Variants in C1orf87 observed in about 807,000 individuals in gnomAD.
C1orf87 encodes the protein chromosome 1 open reading frame 87.
A neutral mutation model predicts 60.5 loss-of-function variants in C1orf87; 58 were observed. The ratio of observed to expected loss-of-function variants is 0.96; its 90% confidence interval spans 0.78 to 1.19. The LOEUF is 1.19. C1orf87 is among the 50% of genes most tolerant of loss of function. The pLI, the probability that C1orf87 is intolerant of heterozygous loss-of-function variation, is 0.00. For synonymous variants in C1orf87, 236 were observed against 227.4 expected, an observed-to-expected ratio of 1.04 and a Z score of -0.34; for missense variants, 673 against 638.6, an observed-to-expected ratio of 1.05 and a Z score of -0.58.
intron 8 of C1orf87, among the ~76,000 whole-genome samples, chr1:60,016,318 C>A (rs1046224578): frequency 2.0e-5 from 3 of 152,304 alleles, no homozygotes; most frequent in Admixed American, 6.5e-5. Context: ...TAGCCCCATA[C>A]CTGGATGTAT....
chr1:60,064,341 T>TC (rs1645520250), intron 2 of C1orf87, among the ~76,000 whole-genome samples: 1 of 140,656 alleles, frequency 7.1e-6, no homozygotes, highest in African/African-American at 2.6e-5. Flanking sequence ...ATACTATATA[T>TC]GTAATATATG....
At chr1:60,038,394 G>A (rs528355827) in intron 5 of C1orf87, among the ~76,000 whole-genome samples, 1 of 152,100 alleles carries the variant, frequency 6.6e-6, no homozygotes, top group Admixed American at 6.6e-5. Context: ...GAGCTAACAT[G>A]AGACCCTCCA....
At chr1:60,065,044 T>TATAA in intron 2 of C1orf87, among the ~76,000 whole-genome samples, 1 of 25,026 alleles carries the variant, frequency 4.0e-5, no homozygotes, top group South Asian at 1.6e-3. Context: ...ATATATTTAA[T>TATAA]AATATATAAA....
intron 5 of C1orf87, among the ~76,000 whole-genome samples, chr1:60,038,328 G>A (rs1320960923): frequency 1.3e-5 from 2 of 151,920 alleles, no homozygotes; most frequent in African/African-American, 4.8e-5. Flanking sequence ...TTCTGGTTGG[G>A]TAAGGCCATG....
At chr1:60,020,236 C>T (rs116638873) in intron 8 of C1orf87, among the ~76,000 whole-genome samples, 336 of 152,290 alleles carry the variant, frequency 2.2e-3, no homozygotes, top group African/African-American at 7.8e-3. Context: ...CCCAGTTGCT[C>T]CAGCTCCAGC....
intron 1 of C1orf87, among the ~76,000 whole-genome samples, chr1:60,072,950 T>C (rs754513796): frequency 2.0e-5 from 3 of 152,216 alleles, no homozygotes; most frequent in Admixed American, 1.3e-4. Flanking sequence ...CTAAGAGGTC[T>C]GTACAGCAGA....
chr1:59,993,380 T>A (rs1463089350), intron 11 of C1orf87, among the ~76,000 whole-genome samples: 1 of 152,102 alleles, frequency 6.6e-6, no homozygotes, highest in South Asian at 2.1e-4. Context: ...AATCACTCAA[T>A]AATGTGAAAT....
Position 59,990,638 on chromosome 1 carries a change from AG to A in C1orf87, c.*34del, listed in dbSNP as rs1390597765. On this transcript the variant is annotated 3_prime_UTR_variant, in exon 12 of 12. Coordinates refer to ENST00000371201, the MANE Select transcript of C1orf87 (RefSeq NM_152377.3). ...ATGTGTCTGGGTAAAAAGGGAGATA[AG>A]GGAAACATCTGTTCTCACAATATGG... 6.2e-7 allele frequency: 1 copy of A among 1,604,360 alleles called. No individual in the cohort carries two copies. Among genetic ancestry groups the A allele is most frequent in the Admixed American group, 1.7e-5 (1 of 59,632 alleles).
At chr1:60,015,105 A>T (rs945866102) in intron 8 of C1orf87, among the ~76,000 whole-genome samples, 5 of 152,114 alleles carry the variant, frequency 3.3e-5, no homozygotes, top group Non-Finnish European at 7.4e-5. Flanking sequence ...TTACGGTCTA[A>T]ATGTTTATAT....
At chr1:60,019,033 G>A (rs558437842) in intron 8 of C1orf87, among the ~76,000 whole-genome samples, 16 of 152,264 alleles carry the variant, frequency 1.1e-4, no homozygotes, top group African/African-American at 3.9e-4. Flanking sequence ...CTAAATAAAT[G>A]AATAAGTAAA....
At chr1:60,044,321 C>T (rs1472553608) in intron 3 of C1orf87, among the ~76,000 whole-genome samples, 3 of 152,182 alleles carry the variant, frequency 2.0e-5, no homozygotes, top group Middle Eastern at 3.2e-3. Context: ...TGAGCCACCA[C>T]GCCCAGCCAC....
intron 8 of C1orf87, among the ~76,000 whole-genome samples, chr1:60,022,379 A>G (rs982198165): frequency 1.3e-5 from 2 of 152,056 alleles, no homozygotes; most frequent in Non-Finnish European, 2.9e-5. Flanking sequence ...TTGATTTGCT[A>G]ATTAAATAAA....
chr1:60,009,491 C>A (rs190853385), intron 9 of C1orf87, among the ~76,000 whole-genome samples: 1 of 151,966 alleles, frequency 6.6e-6, no homozygotes, highest in Non-Finnish European at 1.5e-5. Context: ...AATATACTCA[C>A]CATATTCTTT....
At chr1:60,071,209 A>G (rs1281200315) in intron 2 of C1orf87, among the ~76,000 whole-genome samples, 1 of 152,230 alleles carries the variant, frequency 6.6e-6, no homozygotes, top group Non-Finnish European at 1.5e-5. Flanking sequence ...TTATATCTAT[A>G]GAAAGACTTC....
At chr1:60,005,006 T>C (rs997416740) in intron 9 of C1orf87, among the ~76,000 whole-genome samples, 2 of 152,024 alleles carry the variant, frequency 1.3e-5, no homozygotes, top group South Asian at 4.1e-4. Flanking sequence ...CCCAACTCAG[T>C]ACTTTTTAAA....
At chr1:60,045,762 C>A (rs1214370307) in intron 3 of C1orf87, among the ~76,000 whole-genome samples, 1 of 152,090 alleles carries the variant, frequency 6.6e-6, no homozygotes, top group African/African-American at 2.4e-5. Context: ...CACGCCAGAC[C>A]CACTAAATAG....
intron 2 of C1orf87, among the ~76,000 whole-genome samples, chr1:60,058,799 T>C (rs530388993): frequency 6.6e-6 from 1 of 152,228 alleles, no homozygotes; most frequent in East Asian, 1.9e-4. Context: ...CCATGGAAGT[T>C]TGGGATTATG....
chr1:60,014,935 T>G (rs1026159940), intron 8 of C1orf87, among the ~76,000 whole-genome samples: 1 of 152,168 alleles, frequency 6.6e-6, no homozygotes, highest in Admixed American at 6.5e-5. Flanking sequence ...ACTGCCAGGA[T>G]CAGAAATTAA....
chr1:60,025,587 C>A, intron 7 of C1orf87, 89 bp from the exon 8 acceptor site: 1 of 1,007,160 alleles, frequency 9.9e-7, no homozygotes. Flanking sequence ...TGTTTTTTCT[C>A]ATAATTGGAA....
Sources: gnomAD v4.1 joint callset for allele counts (sites outside exome capture counted in the v4.1 genomes callset) on GRCh38, gnomAD v4.1.1 for gene constraint, MANE v1.5 for transcripts, NCBI Gene and HGNC (gene_info 2026-07-23, HGNC 2026-07-21) for gene names.